C12orf75: variants seen among roughly 807,000 people sequenced by gnomAD.
C12orf75 encodes overexpressed in colon carcinoma 1 protein.
In C12orf75, 4 loss-of-function variants were observed where a neutral mutation model predicts 11.4. The ratio of observed to expected loss-of-function variants is 0.35; its 90% CI spans 0.17 to 0.80. The LOEUF (loss-of-function observed/expected upper bound fraction) is 0.80. Ranked by LOEUF, C12orf75 falls within the 30% of genes least tolerant of loss-of-function variation. C12orf75 has a pLI of 0.52. For missense variants in C12orf75, 89 were observed against 80.4 expected, an observed-to-expected ratio of 1.11 and a Z score of -0.41; for synonymous variants, 30 against 30.0, an observed-to-expected ratio of 1.00 and a Z score of 0.00.
At chr12:105,350,605 C>T (rs997461800) in intron 2 of C12orf75, among the ~76,000 whole-genome samples, 1 of 152,212 alleles carries the variant, frequency 6.6e-6, no homozygotes, top group African/African-American at 2.4e-5. Context: ...AGAACCTTCA[C>T]AGCATTTTGG....
rs147882203 is a variant in C12orf75 at position 105,333,256 on chromosome 12, G to A, written c.46+2319G>A. Among the ~76,000 whole-genome samples the A allele has an allele frequency of 3.0e-4, 46 of 152,296 alleles. No homozygotes were observed. The East Asian group carries it at 8.1e-3, about 27-fold the overall frequency. ...ATTTTGAAATGTTCTGTCAGTTGGT[G>A]TTAGGAATTTAGGTTCAGAGAGGAA... On this transcript the variant is annotated intron_variant, in intron 1 of 5. Coordinates refer to ENST00000443585, the MANE Select transcript of C12orf75 (RefSeq NM_001145199.2).
intron 2 of C12orf75, among the ~76,000 whole-genome samples, chr12:105,364,497 C>G (rs1425565663): frequency 6.6e-6 from 1 of 152,040 alleles, no homozygotes; most frequent in Non-Finnish European, 1.5e-5. Context: ...CACTTTCCTT[C>G]TTTATAGACT....
intron 2 of C12orf75, among the ~76,000 whole-genome samples, chr12:105,356,020 A>G (rs1158044688): frequency 2.0e-5 from 3 of 152,220 alleles, no homozygotes; most frequent in Non-Finnish European, 1.5e-5. Context: ...ATATTGGCCA[A>G]TGGGCTCATC....
chr12:105,358,091 G>GTCTGCCT (rs1404054158), intron 2 of C12orf75, among the ~76,000 whole-genome samples: 2 of 152,128 alleles, frequency 1.3e-5, no homozygotes, highest in East Asian at 3.9e-4. Context: ...CAAGATATCT[G>GTCTGCCT]TCTGCCTTGG....
At chr12:105,360,375 G>A (rs1892844915) in intron 2 of C12orf75, among the ~76,000 whole-genome samples, 1 of 152,220 alleles carries the variant, frequency 6.6e-6, no homozygotes, top group East Asian at 1.9e-4. Flanking sequence ...TCATCCAGGA[G>A]CTTATGTGGC....
intron 4 of C12orf75, among the ~76,000 whole-genome samples, chr12:105,366,977 A>G (rs553872871): frequency 6.6e-6 from 1 of 152,344 alleles, no homozygotes; most frequent in South Asian, 2.1e-4. Flanking sequence ...GAAAGCTAAT[A>G]TTTATGTAAG....
chr12:105,365,990 A>G (rs910977368), intron 3 of C12orf75, 148 bp downstream of exon 3: 3 of 685,236 alleles, frequency 4.4e-6, no homozygotes, highest in Non-Finnish European at 8.0e-6. Flanking sequence ...ATGGTCTGAA[A>G]AAGAACTTGC....
intron 2 of C12orf75, among the ~76,000 whole-genome samples, chr12:105,363,537 C>T (rs1355367611): frequency 1.3e-5 from 2 of 151,998 alleles, no homozygotes; most frequent in Admixed American, 6.6e-5. Context: ...CCATCCTGGC[C>T]AACATGTTGA....
chr12:105,340,088 C>T (rs1011995576), intron 1 of C12orf75, among the ~76,000 whole-genome samples: 9 of 152,034 alleles, frequency 5.9e-5, no homozygotes, highest in African/African-American at 2.2e-4. Context: ...CTCAAAGGAC[C>T]ATCTGTCTGT....
intron 2 of C12orf75, among the ~76,000 whole-genome samples, chr12:105,350,321 C>T (rs1171640432): frequency 6.6e-6 from 1 of 152,202 alleles, no homozygotes; most frequent in East Asian, 1.9e-4. Flanking sequence ...GACTGGCTCG[C>T]ATGGCGTGGG....
At chr12:105,341,266 C>T (rs1250876932) in intron 1 of C12orf75, among the ~76,000 whole-genome samples, 3 of 152,132 alleles carry the variant, frequency 2.0e-5, no homozygotes, top group Non-Finnish European at 4.4e-5. Flanking sequence ...AGGACACATA[C>T]AATTTTTGTA....
At chr12:105,352,183 AT>A (rs2136146475) in intron 2 of C12orf75, among the ~76,000 whole-genome samples, 1 of 152,342 alleles carries the variant, frequency 6.6e-6, no homozygotes, top group Admixed American at 6.5e-5. Context: ...CAAAGAGGTC[AT>A]GGGGGGCTGA....
intron 1 of C12orf75, among the ~76,000 whole-genome samples, chr12:105,334,009 A>G (rs1043771519): frequency 6.6e-6 from 1 of 152,226 alleles, no homozygotes; most frequent in African/African-American, 2.4e-5. Context: ...GACTTGGTTA[A>G]CATGACAGAT....
At chr12:105,366,192 G>A in intron 3 of C12orf75, 1 of 324,072 alleles carries the variant, frequency 3.1e-6, no homozygotes, top group South Asian at 5.7e-5. Flanking sequence ...TTTCTCTCTT[G>A]CTGTCTCTGC....
At chr12:105,359,003 A>G (rs1892822935) in intron 2 of C12orf75, among the ~76,000 whole-genome samples, 1 of 152,098 alleles carries the variant, frequency 6.6e-6, no homozygotes, top group Admixed American at 6.5e-5. Context: ...AATGGACTTA[A>G]TGTCTAGCAT....
At chr12:105,337,676 T>C (rs1892513572) in intron 1 of C12orf75, among the ~76,000 whole-genome samples, 2 of 152,210 alleles carry the variant, frequency 1.3e-5, no homozygotes, top group Admixed American at 1.3e-4. Context: ...ACTGATGTTA[T>C]CTATAGGAGT....
chr12:105,330,789 C>A lies in C12orf75; in HGVS notation c.-103C>A. 8.7e-7 allele frequency: 1 copy of A among 1,155,080 alleles called. No homozygotes were observed. The highest frequency in any genetic ancestry group is 4.5e-5 in the Admixed American group (1 of 22,434). 71.6% of individuals were successfully genotyped at this position (1,155,080 alleles called of 1,614,324 possible). ...ACTCGGTTCCTGGCCCCTCGCGGCC[C>A]CGTCAGCCTCCCGCTCGGGGTGCGC... On this transcript the variant is annotated 5_prime_UTR_variant, in exon 1 of 6. Transcript: ENST00000443585.
intron 2 of C12orf75, among the ~76,000 whole-genome samples, chr12:105,350,437 C>G (rs1892697427): frequency 6.6e-6 from 1 of 152,210 alleles, no homozygotes; most frequent in Non-Finnish European, 1.5e-5. Context: ...ATGCTTCTTG[C>G]TCCTGTCCTT....
Position 105,357,116 on chromosome 12 carries a change from A to G in C12orf75, c.71+8490A>G, listed in dbSNP as rs368603804. Among the ~76,000 whole-genome samples the G allele has an allele frequency of 2.2e-3, 339 of 152,328 alleles. 1 individual carries two copies. The highest frequency in any genetic ancestry group is 6.8e-3 in the Middle Eastern group (2 of 294). On this transcript the variant is annotated intron_variant, in intron 2 of 5. Transcript: ENST00000443585. ...TTATTTATGATTAGAGAGACATTCA[A>G]TGTCTCCAGTTCATTCAGAAAAAGT...
Sources: gnomAD v4.1 joint callset for allele counts (sites outside exome capture counted in the v4.1 genomes callset) on GRCh38, gnomAD v4.1.1 for gene constraint, MANE v1.5 for transcripts, NCBI Gene and HGNC (gene_info 2026-07-23, HGNC 2026-07-21) for gene names.